The following NR2F1-AS1 variants were observed in gnomAD, a reference collection of about 807,000 sequenced individuals.
NR2F1-AS1 encodes the protein NR2F1 regulatory antisense RNA 1.
intron 4 of NR2F1-AS1, among the ~76,000 whole-genome samples, chr5:93,465,099 T>C (rs1332718954): frequency 6.6e-6 from 1 of 152,226 alleles, no homozygotes. Context: ...CTAAAGAGTT[T>C]CTGCACAGCA....
intron 4 of NR2F1-AS1, among the ~76,000 whole-genome samples, chr5:93,430,982 G>C (rs1345814860): frequency 1.3e-5 from 2 of 152,046 alleles, no homozygotes; most frequent in African/African-American, 4.8e-5. Flanking sequence ...AAATACCTCT[G>C]TTTGGGGTAG....
chr5:93,490,255 T>A (rs1332468075), intron 4 of NR2F1-AS1, among the ~76,000 whole-genome samples: 2 of 152,254 alleles, frequency 1.3e-5, no homozygotes, highest in Non-Finnish European at 2.9e-5. Flanking sequence ...CTTCTCTTGT[T>A]TTTTGAGCTT....
At chr5:93,409,983 C>T (rs1375433860) in intron 4 of NR2F1-AS1, 1 of 152,168 alleles carries the variant, frequency 6.6e-6, no homozygotes, top group South Asian at 2.1e-4. Context: ...TTCAGATGGA[C>T]ACTCCTCAAG....
intron 4 of NR2F1-AS1, among the ~76,000 whole-genome samples, chr5:93,549,942 C>T (rs538361155): frequency 6.6e-6 from 1 of 151,958 alleles, no homozygotes; most frequent in South Asian, 2.1e-4. Flanking sequence ...GGGAGGGGAA[C>T]ATCATACACC....
intron 4 of NR2F1-AS1, among the ~76,000 whole-genome samples, chr5:93,524,372 T>G (rs980043809): frequency 5.3e-5 from 8 of 152,146 alleles, no homozygotes; most frequent in African/African-American, 1.9e-4. Context: ...AGACCAAACC[T>G]GCGTTTGATT....
At chr5:93,495,583 ATAAGT>A (rs1468073605) in intron 4 of NR2F1-AS1, among the ~76,000 whole-genome samples, 2 of 152,120 alleles carry the variant, frequency 1.3e-5, no homozygotes, top group East Asian at 1.9e-4. Flanking sequence ...TGTAATGGAG[ATAAGT>A]TAAGAATCTG....
chr5:93,514,288 T>C (rs776687158), intron 4 of NR2F1-AS1, among the ~76,000 whole-genome samples: 1 of 152,064 alleles, frequency 6.6e-6, no homozygotes, highest in Non-Finnish European at 1.5e-5. Context: ...ATGCAATAAA[T>C]TGTTACTCTT....
chr5:93,560,862 G>A (rs1449710189), intron 2 of NR2F1-AS1, among the ~76,000 whole-genome samples: 1 of 152,170 alleles, frequency 6.6e-6, no homozygotes, highest in Non-Finnish European at 1.5e-5. Flanking sequence ...CCTGTGAACT[G>A]AAATTTGCTC....
chr5:93,467,047 C>T (rs1355108170), intron 4 of NR2F1-AS1, among the ~76,000 whole-genome samples: 2 of 151,900 alleles, frequency 1.3e-5, no homozygotes, highest in African/African-American at 4.8e-5. Flanking sequence ...ATTACAGGCG[C>T]CTGCCACCAT....
chr5:93,551,425 A>G (rs1239497394), intron 4 of NR2F1-AS1, among the ~76,000 whole-genome samples: 1 of 152,136 alleles, frequency 6.6e-6, no homozygotes, highest in African/African-American at 2.4e-5. Context: ...CTCAGTAAAT[A>G]GACAAAATAT....
chr5:93,538,772 T>C (rs1751891130), intron 4 of NR2F1-AS1, among the ~76,000 whole-genome samples: 1 of 152,244 alleles, frequency 6.6e-6, no homozygotes, highest in Admixed American at 6.5e-5. Flanking sequence ...TTTATTTCAA[T>C]GTTTAGTATT....
chr5:93,507,475 A>G (rs547188190), intron 4 of NR2F1-AS1, among the ~76,000 whole-genome samples: 2 of 152,246 alleles, frequency 1.3e-5, no homozygotes, highest in African/African-American at 4.8e-5. Context: ...CTCCCACCTC[A>G]GCCCCCCAAG....
intron 4 of NR2F1-AS1, among the ~76,000 whole-genome samples, chr5:93,411,737 G>GA (rs1365770967): frequency 3.7e-5 from 5 of 136,324 alleles, no homozygotes; most frequent in Non-Finnish European, 8.7e-5. Flanking sequence ...AAGGAAATCA[G>GA]AAATATCACA....
chr5:93,492,803 C>A (rs1172306996), intron 4 of NR2F1-AS1, among the ~76,000 whole-genome samples: 1 of 151,208 alleles, frequency 6.6e-6, no homozygotes, highest in Non-Finnish European at 1.5e-5. Flanking sequence ...TATCTCAATA[C>A]ATGCAGAAGG....
At chr5:93,533,662 C>G (rs1035180918) in intron 4 of NR2F1-AS1, among the ~76,000 whole-genome samples, 1 of 152,134 alleles carries the variant, frequency 6.6e-6, no homozygotes, top group Non-Finnish European at 1.5e-5. Context: ...ACTGCAAGCA[C>G]TTTACATCGA....
intron 4 of NR2F1-AS1, among the ~76,000 whole-genome samples, chr5:93,538,514 CAAT>C (rs1751885501): frequency 6.6e-6 from 1 of 152,084 alleles, no homozygotes; most frequent in Admixed American, 6.5e-5. Flanking sequence ...ACAAAATATA[CAAT>C]AATCACACAA....
intron 4 of NR2F1-AS1, among the ~76,000 whole-genome samples, chr5:93,455,589 G>A (rs1749927841): frequency 6.6e-6 from 1 of 151,862 alleles, no homozygotes; most frequent in Non-Finnish European, 1.5e-5. Context: ...GACACAAATA[G>A]GTTAAAAGTA....
At chr5:93,540,450 A>G (rs1007773353) in intron 4 of NR2F1-AS1, among the ~76,000 whole-genome samples, 3 of 152,188 alleles carry the variant, frequency 2.0e-5, no homozygotes, top group African/African-American at 4.8e-5. Flanking sequence ...CATTCTTTGC[A>G]GCTCTAGTAT....
chr5:93,499,451 T>G (rs901953031), intron 4 of NR2F1-AS1, among the ~76,000 whole-genome samples: 1 of 152,200 alleles, frequency 6.6e-6, no homozygotes, highest in Non-Finnish European at 1.5e-5. Context: ...TCATTATTAC[T>G]GTATCTGGTA....
Sources: allele counts gnomAD v4.1 joint callset (sites outside exome capture counted in the v4.1 genomes callset), GRCh38; gene constraint gnomAD v4.1.1; transcripts MANE v1.5; gene names NCBI Gene and HGNC (gene_info 2026-07-23, HGNC 2026-07-21).